ERICH1: variants seen among roughly 807,000 people sequenced by gnomAD.
The protein encoded by ERICH1 is glutamate rich 1, also known as glutamate-rich protein 1.
A neutral mutation model predicts 39.6 loss-of-function variants in ERICH1; 56 were observed. The ratio of observed to expected loss-of-function variants is 1.41; its 90% CI spans 1.14 to 1.77. The LOEUF is 1.77. ERICH1 is among the 40% of genes most tolerant of loss of function. The probability of loss-of-function intolerance (pLI) is 0.00; values close to 1 mark genes in which losing one functional copy is unlikely to be tolerated. For synonymous variants in ERICH1, 313 were observed against 223.6 expected (o/e 1.40, Z -3.57); for missense variants, 826 against 575.4 (o/e 1.44, Z -4.45).
chr8:691,310 T>C (rs1435558005), intron 3 of ERICH1, among the ~76,000 whole-genome samples: 1 of 152,218 alleles, frequency 6.6e-6, no homozygotes, highest in Non-Finnish European at 1.5e-5. Flanking sequence ...TGCAAGTATC[T>C]TTCCACTTCC....
Position 708,681 on chromosome 8 carries a change from G to GTTTTTTTTTTTT in ERICH1, c.169+7168_169+7179dup, listed in dbSNP as rs139731216. 1.4e-3 allele frequency among the ~76,000 whole-genome samples: 93 copies of GTTTTTTTTTTTT among 65,728 alleles called. 14 individuals are homozygous for GTTTTTTTTTTTT. The highest frequency in any genetic ancestry group is 3.0e-3 in the East Asian group (7 of 2,304). The allele number at this position is 65,728 out of a possible 152,430, so 43.1% of individuals were successfully genotyped here. The stretch of plus-strand genomic sequence containing the variant: ...GGGCTGAGTGGTTACGGGATAATGA[G>GTTTTTTTTTTTT]TTTTTTTTTTTTTTTTTTTTTTTTT... On this transcript the variant is annotated intron_variant, in intron 2 of 5. Transcript: ENST00000262109.
At chr8:639,292 G>A (rs1042525937) in intron 3 of ERICH1, among the ~76,000 whole-genome samples, 40 of 152,118 alleles carry the variant, frequency 2.6e-4, no homozygotes, top group Admixed American at 2.2e-3. Context: ...TCATCCCATC[G>A]CAGAGCATCT....
At position 731,216 on chromosome 8, in the gene ERICH1, G is replaced by T; in HGVS notation, c.-55C>A. On this transcript the variant is annotated 5_prime_UTR_variant, in exon 1 of 6. Coordinates refer to ENST00000262109, the MANE Select transcript of ERICH1 (RefSeq NM_207332.3). Reference sequence around the variant, plus strand: ...GGCGCGCGGTCCTGAGCTGAGCGCCGTGCCTTCCGGGTTCCGCCCTCCTGG... The same window carrying T: ...GGCGCGCGGTCCTGAGCTGAGCGCCTTGCCTTCCGGGTTCCGCCCTCCTGG... The T allele has an allele frequency of 6.4e-6, 9 of 1,414,152 alleles. No individual in the cohort carries two copies. Among genetic ancestry groups the T allele is most frequent in the South Asian group, 1.5e-5 (1 of 67,468 alleles). The allele number at this position is 1,414,152 out of a possible 1,614,324, so 87.6% of individuals were successfully genotyped here.
In ERICH1 at chr8:674,046, A is replaced by C. The variant is rs760070530; in HGVS notation, c.306T>G (p.Asp102Glu). ...ENASSGDDTEDQDPHDQPKRR... is the reference protein window; with the variant it reads ...ENASSGDDTEEQDPHDQPKRR... ...TCTTTGGCTGGTCATGAGGATCCTG[A>C]TCTGTTAAAAAAATTCAAATATAAC... is the stretch of plus-strand genomic sequence containing the variant. The change falls in exon 4 of 6, where the codon GAT becomes GAG. Residue 102 changes from aspartate to glutamate, a missense_variant and splice_region_variant. Transcript: ENST00000262109. 24 of 1,536,454 alleles carry C rather than the reference A, an allele frequency of 1.6e-5. No individual in the cohort carries two copies. The highest frequency in any genetic ancestry group is 2.1e-5 in the Non-Finnish European group (24 of 1,155,934).
Position 708,681 on chromosome 8 carries a change from G to GTTTTTTGTTTTTT in ERICH1, c.169+7179_169+7180insAAAAAACAAAAAA. On this transcript the variant is annotated intron_variant, in intron 2 of 5. Transcript: ENST00000262109. ...GGGCTGAGTGGTTACGGGATAATGA[G>GTTTTTTGTTTTTT]TTTTTTTTTTTTTTTTTTTTTTTTT... 8.5e-4 allele frequency among the ~76,000 whole-genome samples: 56 copies of GTTTTTTGTTTTTT among 65,772 alleles called. 7 individuals carry two copies. Among genetic ancestry groups the GTTTTTTGTTTTTT allele is most frequent in the Non-Finnish European group, 1.3e-3 (45 of 33,644 alleles). 43.1% of individuals were successfully genotyped at this position (65,772 alleles called of 152,430 possible).
intron 2 of ERICH1, 151 bp downstream of exon 2, chr8:715,710 A>C: frequency 9.2e-7 from 1 of 1,089,538 alleles, no homozygotes; most frequent in Admixed American, 2.5e-5. Flanking sequence ...TTGTGTGGAG[A>C]GCGATGCCTG....
chr8:694,006 A>C (rs1809558254), intron 2 of ERICH1, among the ~76,000 whole-genome samples: 1 of 152,224 alleles, frequency 6.6e-6, no homozygotes. Context: ...TTCATGCAGA[A>C]TATGGCAGTG....
At chr8:687,115 T>C (rs919302062) in intron 3 of ERICH1, among the ~76,000 whole-genome samples, 2 of 152,234 alleles carry the variant, frequency 1.3e-5, no homozygotes, top group African/African-American at 4.8e-5. Flanking sequence ...GTGCATTTAC[T>C]GCATGCTTCC....
Position 673,800 on chromosome 8 carries a change from A to C in ERICH1, c.552T>G (p.Ala184=), listed in dbSNP as rs1358209932. The C allele has an allele frequency of 6.2e-7, 1 of 1,614,090 alleles. No individual in the cohort carries two copies. Among genetic ancestry groups the C allele is most frequent in the Non-Finnish European group, 8.5e-7 (1 of 1,180,056 alleles). Reference sequence around the variant, plus strand: ...CGGGCTGGTACATGAAACTGACACCAGCAGCCTTTGCTGCCAAGCCGGCTG... The same window carrying C: ...CGGGCTGGTACATGAAACTGACACCCGCAGCCTTTGCTGCCAAGCCGGCTG... ...KKAAGLAAKA[A]GVSFMYQPED... Residue 184 remains alanine, a synonymous_variant, in exon 4 of 6, where the codon GCT becomes GCG. Coordinates refer to ENST00000262109, the MANE Select transcript of ERICH1 (RefSeq NM_207332.3).
intron 4 of ERICH1, chr8:671,859 C>T (rs1371091051): frequency 5.9e-6 from 1 of 169,166 alleles, no homozygotes; most frequent in Non-Finnish European, 1.3e-5. Context: ...TCTGTGCTCA[C>T]TGGGCTCCAG....
chr8:646,061 CAGG>C (rs1799470344), intron 3 of ERICH1, among the ~76,000 whole-genome samples: 1 of 69,880 alleles, frequency 1.4e-5, no homozygotes, highest in African/African-American at 3.6e-5. Flanking sequence ...TTAATTAAAG[CAGG>C]AGCTGTTATA....
chr8:729,010 G>A (rs557349388), intron 1 of ERICH1, among the ~76,000 whole-genome samples: 91 of 152,246 alleles, frequency 6.0e-4, no homozygotes, highest in African/African-American at 2.2e-3. Flanking sequence ...GGCCAGGCAG[G>A]GGAGAGTATG....
Position 671,038 on chromosome 8 carries a change from C to T in ERICH1, c.1064-2246G>A, listed in dbSNP as rs531504499. ...GAACCTGCCGGCCCCTGCTCCAACA[C>T]CTGAGCCCACCGGTCCCCAGGCTCC... On this transcript the variant is annotated intron_variant, in intron 4 of 5. Transcript: ENST00000262109. Among the ~76,000 whole-genome samples the T allele has an allele frequency of 2.5e-3, 340 of 137,186 alleles. 2 individuals carry two copies. The highest frequency in any genetic ancestry group is 0.011 in the Middle Eastern group (2 of 188). 90.0% of individuals were successfully genotyped at this position (137,186 alleles called of 152,430 possible). A position where few individuals can be genotyped will look rare whatever the true frequency, so the allele number is the denominator to read the frequency against.
intron 3 of ERICH1, among the ~76,000 whole-genome samples, chr8:682,711 T>C (rs1476613483): frequency 2.6e-5 from 4 of 152,238 alleles, no homozygotes; most frequent in African/African-American, 9.6e-5. Context: ...TCTGCTACTA[T>C]TTGACACCTA....
chr8:716,102 A>G, intron 1 of ERICH1, 95 bp from the exon 2 acceptor site: 2 of 1,415,234 alleles, frequency 1.4e-6, no homozygotes, highest in Non-Finnish European at 1.9e-6. Flanking sequence ...ACAAACACAC[A>G]CATCCTGAAA....
intron 2 of ERICH1, among the ~76,000 whole-genome samples, chr8:693,086 A>G (rs920411314): frequency 2.4e-4 from 25 of 102,806 alleles, no homozygotes; most frequent in African/African-American, 1.3e-3. Context: ...CACACAACAG[A>G]CACACATGCA....
intron 1 of ERICH1, among the ~76,000 whole-genome samples, chr8:726,700 A>G (rs1818784211): frequency 6.6e-6 from 1 of 151,620 alleles, no homozygotes; most frequent in African/African-American, 2.4e-5. Flanking sequence ...ACACAGGCAC[A>G]CACATGTACA....
intron 1 of ERICH1, among the ~76,000 whole-genome samples, chr8:717,030 G>A (rs1279985042): frequency 1.3e-5 from 2 of 152,188 alleles, no homozygotes; most frequent in African/African-American, 4.8e-5. Context: ...CGTGCCCTCC[G>A]TGGATGGACC....
chr8:729,180 C>G (rs1043459395), intron 1 of ERICH1, among the ~76,000 whole-genome samples: 21 of 152,354 alleles, frequency 1.4e-4, no homozygotes, highest in African/African-American at 4.8e-4. Flanking sequence ...AGCAGATGCT[C>G]CGCCAACATC....
Sources: allele counts gnomAD v4.1 joint callset (sites outside exome capture counted in the v4.1 genomes callset), GRCh38; gene constraint gnomAD v4.1.1; transcripts MANE v1.5; gene names NCBI Gene and HGNC (gene_info 2026-07-23, HGNC 2026-07-21).